Variants in GEMIN2 observed in about 807,000 individuals in gnomAD.
GEMIN2 encodes gem nuclear organelle associated protein 2, also known as gem-associated protein 2.
A neutral mutation model predicts 45.8 loss-of-function variants in GEMIN2; 37 were observed. The observed-to-expected ratio is 0.81, with a 90% CI of 0.62 to 1.06. GEMIN2 has a LOEUF of 1.06. GEMIN2 is among the 50% of genes least tolerant of loss of function. The pLI, the probability that GEMIN2 is intolerant of heterozygous loss-of-function variation, is 0.00. For synonymous variants in GEMIN2, 101 were observed against 111.5 expected (o/e 0.91, Z 0.60); for missense variants, 335 against 321.8 (o/e 1.04, Z -0.31).
rs948582699 is a variant in GEMIN2 at position 39,124,918 on chromosome 14, A to G, written c.487-74A>G. 8.0e-6 allele frequency: 6 copies of G among 753,230 alleles called. No individual in the cohort carries two copies. The African/African-American group carries it at 1.0e-4, about 13-fold the overall frequency. 46.7% of individuals were successfully genotyped at this position (753,230 alleles called of 1,614,324 possible). A position where few individuals can be genotyped will look rare whatever the true frequency, so the allele number is the denominator to read the frequency against. On this transcript the variant is annotated intron_variant, in intron 5 of 9. Transcript: ENST00000308317. ...TTTCTAAACAACAGTGTGGCAAGAAATTCACCAGTTTGAAAAAAAAAAATG... is the reference window on the plus strand; with the variant it reads ...TTTCTAAACAACAGTGTGGCAAGAAGTTCACCAGTTTGAAAAAAAAAAATG...
intron 3 of GEMIN2, 143 bp downstream of exon 3, chr14:39,118,231 C>G: frequency 2.0e-6 from 1 of 506,860 alleles, no homozygotes; most frequent in Non-Finnish European, 3.5e-6. Context: ...AATCATTAGA[C>G]ATGATACAGT....
chr14:39,136,569 C>A lies in GEMIN2; in HGVS notation c.*90C>A. ...ATGCCAATTCAAGTACAGATTTCAA[C>A]ACATCTTCAACACTATGTGAAGGGT... On this transcript the variant is annotated 3_prime_UTR_variant, in exon 10 of 10. Transcript: ENST00000308317. 1 of 974,114 alleles carries A rather than the reference C, an allele frequency of 1.0e-6. No homozygotes were observed. The highest frequency in any genetic ancestry group is 1.6e-6 in the Non-Finnish European group (1 of 607,234). The allele number at this position is 974,114 out of a possible 1,614,324, so 60.3% of individuals were successfully genotyped here.
chr14:39,132,350 G>T (rs566813177), intron 8 of GEMIN2, among the ~76,000 whole-genome samples: 215 of 152,194 alleles, frequency 1.4e-3, no homozygotes, highest in Non-Finnish European at 2.5e-3. Context: ...GGCCCACATG[G>T]TGAAACCCCG....
chr14:39,128,272 T>G lies in GEMIN2; in HGVS notation c.532-8T>G, dbSNP rs755859889. The G allele has an allele frequency of 6.6e-7, 1 of 1,506,884 alleles. No homozygotes were observed. The highest frequency in any genetic ancestry group is 1.2e-5 in the South Asian group (1 of 85,216). 93.3% of individuals were successfully genotyped at this position (1,506,884 alleles called of 1,614,324 possible). A position where few individuals can be genotyped will look rare whatever the true frequency, so the allele number is the denominator to read the frequency against. On this transcript the variant is annotated splice_region_variant and splice_polypyrimidine_tract_variant and intron_variant, in intron 6 of 9. Coordinates refer to ENST00000308317, the MANE Select transcript of GEMIN2 (RefSeq NM_003616.3). ...CAACTCTTCTCCACCCCCTCTTTTT[T>G]TTTTTAGGCAACAGTAACTAGTGTC... is the stretch of plus-strand genomic sequence containing the variant.
At chr14:39,130,069 T>C (rs2052697692) in intron 7 of GEMIN2, among the ~76,000 whole-genome samples, 1 of 150,388 alleles carries the variant, frequency 6.6e-6, no homozygotes, top group Admixed American at 6.7e-5. Flanking sequence ...GCCTCCTGAG[T>C]AGCTGGGACA....
At chr14:39,130,896 A>G (rs1026018243) in intron 7 of GEMIN2, among the ~76,000 whole-genome samples, 9 of 147,920 alleles carry the variant, frequency 6.1e-5, no homozygotes, top group Admixed American at 3.4e-4. Context: ...CTCCATCTCG[A>G]AAAAAAAAAG....
intron 2 of GEMIN2, among the ~76,000 whole-genome samples, chr14:39,115,548 C>T (rs1255925514): frequency 1.4e-5 from 2 of 147,680 alleles, no homozygotes; most frequent in African/African-American, 2.5e-5. Flanking sequence ...CCTCTGCCTT[C>T]CGGTTTCAAG....
rs749992741 is a variant in GEMIN2 at position 39,124,971 on chromosome 14, C to T, written c.487-21C>T. 2.3e-6 allele frequency: 3 copies of T among 1,332,956 alleles called. No individual in the cohort carries two copies. In the South Asian group the frequency reaches 3.6e-5, roughly 16 times the overall value. The allele number at this position is 1,332,956 out of a possible 1,614,324, so 82.6% of individuals were successfully genotyped here. On this transcript the variant is annotated intron_variant, in intron 5 of 9. Coordinates refer to ENST00000308317, the MANE Select transcript of GEMIN2 (RefSeq NM_003616.3). ...GCTTATAATACCATTTAGTAAAATT[C>T]AGTCTCATTTTTTCTTTCAGATTGG...
intron 8 of GEMIN2, among the ~76,000 whole-genome samples, chr14:39,132,679 TTTTTTTTC>T (rs2052732847): frequency 1.6e-5 from 1 of 63,382 alleles, no homozygotes; most frequent in African/African-American, 6.7e-5. Flanking sequence ...TTTTTTTTTT[TTTTTTTTC>T]TTTTATTGTG....
chr14:39,118,470 G>T, intron 3 of GEMIN2, 70 bp from the exon 4 acceptor site: 1 of 776,728 alleles, frequency 1.3e-6, no homozygotes. Context: ...TTACAATTTT[G>T]TGCAGAAACT....
intron 9 of GEMIN2, among the ~76,000 whole-genome samples, chr14:39,135,285 G>C (rs1037150120): frequency 6.6e-6 from 1 of 152,094 alleles, no homozygotes; most frequent in African/African-American, 2.4e-5. Flanking sequence ...ACAAAGATTT[G>C]AAAGTTTAGG....
rs1451104444 is a variant in GEMIN2, at chr14:39,131,955, T to A, written c.601-3T>A. On this transcript the variant is annotated splice_region_variant and splice_polypyrimidine_tract_variant and intron_variant, in intron 7 of 9. Transcript: ENST00000308317. ...AATATTAATTTTTTGAATTTTTTTT[T>A]AGGGAAGATGGCTTTATGCTTTATT... is the stretch of plus-strand genomic sequence containing the variant. The A allele has an allele frequency of 1.3e-6, 2 of 1,482,508 alleles. No individual in the cohort carries two copies. The highest frequency in any genetic ancestry group is 2.3e-5 in the South Asian group (2 of 85,144). The allele number at this position is 1,482,508 out of a possible 1,614,324, so 91.8% of individuals were successfully genotyped here.
chr14:39,133,311 A>ACG (rs33934609), intron 8 of GEMIN2, among the ~76,000 whole-genome samples: 2 of 1,024 alleles, frequency 2.0e-3, no homozygotes, highest in African/African-American at 4.9e-3. Context: ...CATATATAAT[A>ACG]TATATGAATA....
Position 39,133,737 on chromosome 14 carries a change from CTTCT to C in GEMIN2, c.770+21_770+24del, listed in dbSNP as rs773644228. The C allele has an allele frequency of 8.7e-6, 12 of 1,385,974 alleles. No individual in the cohort carries two copies. Among genetic ancestry groups the C allele is most frequent in the Non-Finnish European group, 8.9e-6 (9 of 1,008,402 alleles). 85.9% of individuals were successfully genotyped at this position (1,385,974 alleles called of 1,614,324 possible). On this transcript the variant is annotated intron_variant, in intron 9 of 9. Coordinates refer to ENST00000308317, the MANE Select transcript of GEMIN2 (RefSeq NM_003616.3). ...GTTAGCAGGTATAGTTAATCCTTGGCTTCTTTATTATTTATCAGTGAGGTCAGTG... is the reference window on the plus strand; with the variant it reads ...GTTAGCAGGTATAGTTAATCCTTGGCTTATTATTTATCAGTGAGGTCAGTG...
At chr14:39,126,753 T>G (rs1207728177) in intron 6 of GEMIN2, among the ~76,000 whole-genome samples, 1 of 151,794 alleles carries the variant, frequency 6.6e-6, no homozygotes, top group African/African-American at 2.4e-5. Context: ...ACTGATGGTT[T>G]TTTTGTTTTG....
chr14:39,131,019 C>A (rs1057022904), intron 7 of GEMIN2, among the ~76,000 whole-genome samples: 1 of 151,310 alleles, frequency 6.6e-6, no homozygotes, highest in Admixed American at 6.6e-5. Flanking sequence ...GTTGTACAGC[C>A]GGGCATGGTG....
chr14:39,128,413 GC>G, intron 7 of GEMIN2, 65 bp downstream of exon 7: 2 of 792,656 alleles, frequency 2.5e-6, no homozygotes, highest in East Asian at 2.4e-5. Flanking sequence ...TCAACTGTGG[GC>G]CACATATACA....
Position 39,118,530 on chromosome 14 carries a change from C to A in GEMIN2, c.313-10C>A. ...GAGTACCATCTAATGTCTAAGTTTT[C>A]TTCCTTTAGAATGTGAACAAACATA... On this transcript the variant is annotated splice_polypyrimidine_tract_variant and intron_variant, in intron 3 of 9. Coordinates refer to ENST00000308317, the MANE Select transcript of GEMIN2 (RefSeq NM_003616.3). 7.5e-7 allele frequency: 1 copy of A among 1,331,808 alleles called. No homozygotes were observed. The highest frequency in any genetic ancestry group is 1.1e-6 in the Non-Finnish European group (1 of 923,698). 82.5% of individuals were successfully genotyped at this position (1,331,808 alleles called of 1,614,324 possible).
chr14:39,127,358 T>TC (rs1040636784), intron 6 of GEMIN2, among the ~76,000 whole-genome samples: 1 of 145,456 alleles, frequency 6.9e-6, no homozygotes, highest in Non-Finnish European at 1.5e-5. Flanking sequence ...TTTTTTTTTT[T>TC]TTGAGACAGA....
Sources: gnomAD v4.1 joint callset for allele counts (sites outside exome capture counted in the v4.1 genomes callset) on GRCh38, gnomAD v4.1.1 for gene constraint, MANE v1.5 for transcripts, NCBI Gene and HGNC (gene_info 2026-07-23, HGNC 2026-07-21) for gene names.